The following AIMP1 variants were observed in gnomAD, a reference collection of about 807,000 sequenced individuals.
AIMP1 encodes aminoacyl tRNA synthetase complex interacting multifunctional protein 1, also known as aminoacyl tRNA synthase complex-interacting multifunctional protein 1.
AIMP1 carries 24 observed loss-of-function variants against 33.1 expected under a neutral mutation model. The observed-to-expected ratio is 0.73, with a 90% CI of 0.53 to 1.02. AIMP1 has a LOEUF of 1.02. AIMP1 is among the 50% of genes least tolerant of loss of function. AIMP1 has a pLI of 0.00. For synonymous variants in AIMP1, 120 were observed against 121.5 expected, an observed-to-expected ratio of 0.99 and a Z score of 0.08; for missense variants, 367 against 364.8, an observed-to-expected ratio of 1.01 and a Z score of -0.05.
chr4:106,319,179 A>T (rs552683058), intron 1 of AIMP1, among the ~76,000 whole-genome samples: 75 of 152,282 alleles, frequency 4.9e-4, no homozygotes, highest in African/African-American at 1.8e-3. Flanking sequence ...TGCCTGTAAA[A>T]CTTTGATTTC....
At position 106,347,648 on chromosome 4, in the gene AIMP1, G is replaced by A. The variant is rs746380167; in HGVS notation, c.895G>A (p.Gly299Arg). The change falls in exon 7 of 7, where the codon GGA (glycine) becomes AGA (arginine). Residue 299 changes from glycine to arginine, a missense_variant. Coordinates refer to ENST00000672341, the MANE Select transcript of AIMP1 (RefSeq NM_001142416.2). ...AGTTCCCTTTGAGGTGAAAGGGAAG[G>A]GAGTATGTAGGGCTCAAACCATGAG... ...KGVPFEVKGK[G>R]VCRAQTMSNS... 8 of 1,613,176 alleles carry A rather than the reference G, an allele frequency of 5.0e-6. No homozygotes were observed. The South Asian group carries it at 8.8e-5, about 18-fold the overall frequency.
At chr4:106,326,909 C>G in intron 2 of AIMP1, among the ~76,000 whole-genome samples, 1 of 152,114 alleles carries the variant, frequency 6.6e-6, no homozygotes. Flanking sequence ...TCCTGAGTAG[C>G]TGGGACCACA....
Position 106,347,767 on chromosome 4 carries a change from T to C in AIMP1, c.*75T>C. The C allele has an allele frequency of 6.7e-7, 1 of 1,495,412 alleles. No individual in the cohort carries two copies. 92.6% of individuals were successfully genotyped at this position (1,495,412 alleles called of 1,614,324 possible). A position where few individuals can be genotyped will look rare whatever the true frequency, so the allele number is the denominator to read the frequency against. ...GAGAAATATATTTGTCACTTATACC[T>C]AAAATATGAGTGGCTCATTTTTGCA... On this transcript the variant is annotated 3_prime_UTR_variant, in exon 7 of 7. Transcript: ENST00000672341.
Position 106,346,578 on chromosome 4 carries a change from G to A in AIMP1, c.773-948G>A, listed in dbSNP as rs181732661. On this transcript the variant is annotated intron_variant, in intron 6 of 6. Coordinates refer to ENST00000672341, the MANE Select transcript of AIMP1 (RefSeq NM_001142416.2). ...CCTTTCTGTTTCTTTACATCTCACC[G>A]AGTAGAATGGGTAACAAATGAAATC... Among the ~76,000 whole-genome samples the A allele has an allele frequency of 7.0e-4, 106 of 152,148 alleles. 4 individuals carry two copies. The highest frequency in any genetic ancestry group is 1.8e-3 in the Admixed American group (28 of 15,276).
chr4:106,317,686 G>A (rs528078508), intron 1 of AIMP1, among the ~76,000 whole-genome samples: 1 of 152,284 alleles, frequency 6.6e-6, no homozygotes, highest in African/African-American at 2.4e-5. Context: ...CTTGAAAAAT[G>A]AATTCCAGTG....
chr4:106,344,201 G>A (rs2125929323), intron 6 of AIMP1, among the ~76,000 whole-genome samples: 1 of 152,164 alleles, frequency 6.6e-6, no homozygotes, highest in African/African-American at 2.4e-5. Context: ...TAGGGCCTCA[G>A]ACCTTGGATT....
At chr4:106,327,192 G>T (rs1264959683) in intron 2 of AIMP1, among the ~76,000 whole-genome samples, 2 of 152,296 alleles carry the variant, frequency 1.3e-5, no homozygotes, top group Admixed American at 1.3e-4. Flanking sequence ...ATCTTAATAG[G>T]AGCTAGGAAA....
intron 1 of AIMP1, among the ~76,000 whole-genome samples, chr4:106,322,868 C>T (rs1008180932): frequency 2.6e-5 from 4 of 151,694 alleles, no homozygotes; most frequent in Admixed American, 6.6e-5. Flanking sequence ...CCTGTAATCC[C>T]GGCTATTTGG....
chr4:106,319,332 G>A (rs535558722), intron 1 of AIMP1, among the ~76,000 whole-genome samples: 99 of 152,116 alleles, frequency 6.5e-4, no homozygotes, highest in Non-Finnish European at 1.2e-3. Context: ...AAAAATGATA[G>A]TGAAGATCTC....
At chr4:106,341,169 A>C (rs1458589891) in intron 6 of AIMP1, among the ~76,000 whole-genome samples, 1 of 152,158 alleles carries the variant, frequency 6.6e-6, no homozygotes, top group Admixed American at 6.5e-5. Context: ...TTGGATGCAT[A>C]GTTTGCGAAT....
In AIMP1 at chr4:106,348,019, C is replaced by G; in HGVS notation, c.*327C>G. 5.1e-6 allele frequency: 1 copy of G among 194,418 alleles called. No individual in the cohort carries two copies. The highest frequency in any genetic ancestry group is 8.7e-5 in the South Asian group (1 of 11,546). 12.0% of individuals were successfully genotyped at this position (194,418 alleles called of 1,614,324 possible). A position where few individuals can be genotyped will look rare whatever the true frequency, so the allele number is the denominator to read the frequency against. ...TAATGTTTAGTTTCTTATTTGTAGG[C>G]ACAGGATGCATGAAATTTCAAGCTC... On this transcript the variant is annotated 3_prime_UTR_variant, in exon 7 of 7. Coordinates refer to ENST00000672341, the MANE Select transcript of AIMP1 (RefSeq NM_001142416.2).
chr4:106,327,363 GT>G, intron 2 of AIMP1, 87 bp from the exon 3 acceptor site: 2 of 933,390 alleles, frequency 2.1e-6, no homozygotes. Context: ...TATCCTAGCT[GT>G]AGTTATACTG....
At chr4:106,322,485 A>T (rs186514604) in intron 1 of AIMP1, among the ~76,000 whole-genome samples, 12 of 152,290 alleles carry the variant, frequency 7.9e-5, no homozygotes, top group Admixed American at 6.5e-4. Context: ...AATTTAAATG[A>T]TAATTAATCA....
chr4:106,324,907 G>A, intron 1 of AIMP1, 78 bp from the exon 2 acceptor site: 1 of 1,195,696 alleles, frequency 8.4e-7, no homozygotes. Flanking sequence ...TTTCCTTTCA[G>A]ACTGCTTTTT....
intron 5 of AIMP1, among the ~76,000 whole-genome samples, chr4:106,332,926 T>C (rs1438645467): frequency 6.6e-6 from 1 of 152,170 alleles, no homozygotes; most frequent in Non-Finnish European, 1.5e-5. Context: ...TTATCTTTCA[T>C]AGTATTTCAT....
chr4:106,325,767 A>G (rs946328233), intron 2 of AIMP1, among the ~76,000 whole-genome samples: 2 of 152,150 alleles, frequency 1.3e-5, no homozygotes, highest in African/African-American at 2.4e-5. Context: ...TGAATGTTTT[A>G]TAAAATCTCT....
rs967179952 is a variant in AIMP1, at chr4:106,349,189, T to C, written c.*1497T>C. On this transcript the variant is annotated 3_prime_UTR_variant, in exon 7 of 7. Transcript: ENST00000672341. ...CAAAAGTTACTTTGTTCTCAAGATATGTCATTCTTTTGGGAATAAATACTT... is the reference window on the plus strand; with the variant it reads ...CAAAAGTTACTTTGTTCTCAAGATACGTCATTCTTTTGGGAATAAATACTT... 6 of 152,214 alleles carry C rather than the reference T, an allele frequency of 3.9e-5. No individual in the cohort carries two copies. Among genetic ancestry groups the C allele is most frequent in the Middle Eastern group, 3.4e-3 (1 of 294 alleles). The allele number at this position is 152,214 out of a possible 1,614,324, so 9.4% of individuals were successfully genotyped here.
intron 6 of AIMP1, among the ~76,000 whole-genome samples, chr4:106,342,976 C>A (rs1049430978): frequency 6.7e-6 from 1 of 149,196 alleles, no homozygotes; most frequent in African/African-American, 2.5e-5. Flanking sequence ...GTTATCTTGG[C>A]CCACTGCAAT....
chr4:106,344,021 T>G (rs62318122), intron 6 of AIMP1, among the ~76,000 whole-genome samples: 5,691 of 152,184 alleles, frequency 0.037, 160 homozygotes, highest in Non-Finnish European at 0.056. Context: ...CAGAACTGCT[T>G]TGGGTAAGAT....
Sources: gnomAD v4.1 joint callset for allele counts (sites outside exome capture counted in the v4.1 genomes callset) on GRCh38, gnomAD v4.1.1 for gene constraint, MANE v1.5 for transcripts, NCBI Gene and HGNC (gene_info 2026-07-23, HGNC 2026-07-21) for gene names.